CD5: variants seen among roughly 807,000 people sequenced by gnomAD.
CD5 encodes the protein T-cell surface glycoprotein CD5.
A neutral mutation model predicts 60.3 loss-of-function variants in CD5; 36 were observed. The ratio of observed to expected loss-of-function variants is 0.60; its 90% CI spans 0.46 to 0.79. The LOEUF (loss-of-function observed/expected upper bound fraction) is 0.79, where lower values mean the gene tolerates loss of function less well. Among genes scored for constraint, CD5 ranks in the 30% least tolerant of loss-of-function variants. The pLI is 0.00. For missense variants in CD5, 540 were observed against 630.6 expected (o/e 0.86, Z 1.54); for synonymous variants, 230 against 257.6 (o/e 0.89, Z 1.03).
rs77822455 is a variant in CD5 at position 61,110,940 on chromosome 11, G to A, written c.56-4116G>A. On this transcript the variant is annotated intron_variant, in intron 1 of 10. Transcript: ENST00000347785. ...GTGATAGAGATGGAAGGAGAGGAGA[G>A]GAACTGCTGCTCATCTGGGGACCAG... is the stretch of plus-strand genomic sequence containing the variant. Among the ~76,000 whole-genome samples the A allele has an allele frequency of 1.2e-3, 187 of 152,234 alleles. 6 individuals carry two copies. The East Asian group carries it at 0.032, about 26-fold the overall frequency.
upstream of CD5, among the ~76,000 whole-genome samples, chr11:61,098,966 G>A (rs1448233348): frequency 2.6e-5 from 4 of 152,186 alleles, no homozygotes; most frequent in African/African-American, 9.7e-5. Flanking sequence ...CTACCTGCCT[G>A]GGGTGGCCCA....
At chr11:61,119,194 C>T (rs186723877) in intron 4 of CD5, 40 bp from the exon 5 acceptor site, 15 of 1,515,664 alleles carry the variant, frequency 9.9e-6, no homozygotes, top group South Asian at 5.2e-5. Flanking sequence ...AAGCCCTCGG[C>T]GCTCAGGGTG....
Position 61,127,660 on chromosome 11 carries a change from G to A in CD5, c.*1375G>A, listed in dbSNP as rs1046475725. ...TCTTCCCATATCTGGTGGAGGTGAGGGGGCTCCTCAAAAGGGAACTGAGAG... is the reference window on the plus strand; with the variant it reads ...TCTTCCCATATCTGGTGGAGGTGAGAGGGCTCCTCAAAAGGGAACTGAGAG... On this transcript the variant is annotated 3_prime_UTR_variant, in exon 11 of 11. Coordinates refer to ENST00000347785, the MANE Select transcript of CD5 (RefSeq NM_014207.4). 6.6e-6 allele frequency: 1 copy of A among 152,204 alleles called. No homozygotes were observed. The highest frequency in any genetic ancestry group is 2.4e-5 in the African/African-American group (1 of 41,436). The allele number at this position is 152,204 out of a possible 1,614,324, so 9.4% of individuals were successfully genotyped here. A position where few individuals can be genotyped will look rare whatever the true frequency, so the allele number is the denominator to read the frequency against.
chr11:61,118,027 C>T lies in CD5; in HGVS notation c.95-148C>T. ...TCCTCTGGGAAGCCCCTGCAGTGCCCCAGAAGGGACGAAGCTCACAAGGGG... is the reference window on the plus strand; with the variant it reads ...TCCTCTGGGAAGCCCCTGCAGTGCCTCAGAAGGGACGAAGCTCACAAGGGG... On this transcript the variant is annotated intron_variant, in intron 2 of 10. Transcript: ENST00000347785. This position sits in a 1 kb window ranked among gnomAD's most constrained non-coding sequence, Gnocchi z 4.7. 1 of 799,256 alleles carries T rather than the reference C, an allele frequency of 1.3e-6. No individual in the cohort carries two copies. Among genetic ancestry groups the T allele is most frequent in the Non-Finnish European group, 2.0e-6 (1 of 506,620 alleles). The allele number at this position is 799,256 out of a possible 1,614,324, so 49.5% of individuals were successfully genotyped here.
intron 7 of CD5, 116 bp downstream of exon 7, chr11:61,123,148 C>A: frequency 1.7e-6 from 2 of 1,206,568 alleles, no homozygotes; most frequent in Non-Finnish European, 2.3e-6. Context: ...CAGGACACCT[C>A]TGCTTCACCA....
intron 5 of CD5, among the ~76,000 whole-genome samples, chr11:61,120,145 G>A (rs1861036127): frequency 6.6e-6 from 1 of 152,162 alleles, no homozygotes; most frequent in African/African-American, 2.4e-5. Flanking sequence ...CCGCTGTGTG[G>A]TTGAGGGGAG....
At chr11:61,102,486 A>G, upstream of CD5, 1 of 774,850 alleles carries the variant, frequency 1.3e-6, no homozygotes, top group South Asian at 1.5e-5. Context: ...CCTCTCTGAG[A>G]GCGAGATACC....
upstream of CD5, among the ~76,000 whole-genome samples, chr11:61,101,268 AAC>A (rs1489661473): frequency 0.022 from 1,415 of 64,906 alleles, 62 homozygotes; most frequent in African/African-American, 0.069. Flanking sequence ...GGAGATCACA[AAC>A]ACACATCAAC....
At chr11:61,122,869 C>A (rs183289659) in intron 6 of CD5, 38 bp from the exon 7 acceptor site, 78 of 1,577,878 alleles carry the variant, frequency 4.9e-5, no homozygotes, top group Non-Finnish European at 6.3e-5. Flanking sequence ...TTTCTCCCCC[C>A]AGGACTGGGA....
chr11:61,114,977 G>A (rs879792571), intron 1 of CD5, 79 bp from the exon 2 acceptor site: 15 of 1,391,508 alleles, frequency 1.1e-5, no homozygotes, highest in Admixed American at 8.1e-5. Context: ...GCCATTGCTC[G>A]GGCTGTGGGT....
chr11:61,105,975 A>C (rs1247528966), intron 1 of CD5, among the ~76,000 whole-genome samples: 1 of 152,094 alleles, frequency 6.6e-6, no homozygotes, highest in Non-Finnish European at 1.5e-5. Context: ...AAATACAAAA[A>C]TTAGCCGGGA....
Position 61,125,749 on chromosome 11 carries a change from A to G in CD5, c.1400-2A>G, listed in dbSNP as rs1174629146. On this transcript the variant is annotated splice_acceptor_variant, in intron 9 of 10. Transcript: ENST00000347785. LOFTEE classifies it high-confidence loss of function. ...TGCAAACAGCGTCCTTTCTTTCCCC[A>G]GCTCTGGAAGGGGCTCTGCATCGCT... is the stretch of plus-strand genomic sequence containing the variant. 1 of 1,607,734 alleles carries G rather than the reference A, an allele frequency of 6.2e-7. No individual in the cohort carries two copies. The highest frequency in any genetic ancestry group is 1.1e-5 in the South Asian group (1 of 90,566).
At chr11:61,095,957 G>C in the CD5 span, among the ~76,000 whole-genome samples, 1 of 152,198 alleles carries the variant, frequency 6.6e-6, no homozygotes, top group Non-Finnish European at 1.5e-5. Flanking sequence ...TTGCGGGTAT[G>C]AATACCTCAC....
At chr11:61,122,824 G>A (rs1321174229) in intron 6 of CD5, 83 bp from the exon 7 acceptor site, 6 of 1,448,326 alleles carry the variant, frequency 4.1e-6, no homozygotes, top group Non-Finnish European at 5.6e-6. Flanking sequence ...GATGACGGCG[G>A]AAGCCAGGCA....
intron 2 of CD5, among the ~76,000 whole-genome samples, chr11:61,117,582 G>A (rs1282864281): frequency 6.6e-6 from 1 of 151,902 alleles, no homozygotes; most frequent in Non-Finnish European, 1.5e-5. Flanking sequence ...TCTGCCTCCC[G>A]GGTTCAAGCA....
chr11:61,110,744 G>T (rs766200230), intron 1 of CD5, among the ~76,000 whole-genome samples: 1 of 152,174 alleles, frequency 6.6e-6, no homozygotes, highest in African/African-American at 2.4e-5. Context: ...CAAGTTTCCT[G>T]GTCTGTAAAA....
intron 1 of CD5, among the ~76,000 whole-genome samples, chr11:61,110,103 G>A (rs1860831149): frequency 6.6e-6 from 1 of 152,186 alleles, no homozygotes; most frequent in Admixed American, 6.5e-5. Flanking sequence ...TCAGGGGATG[G>A]AGGGTGCTGG....
chr11:61,111,839 C>T (rs1860859315), intron 1 of CD5, among the ~76,000 whole-genome samples: 1 of 152,232 alleles, frequency 6.6e-6, no homozygotes, highest in South Asian at 2.1e-4. Flanking sequence ...AGCACCAGCT[C>T]TGAGCACTAG....
upstream of CD5, among the ~76,000 whole-genome samples, chr11:61,100,263 T>TCA (rs1199822713): frequency 1.4e-4 from 13 of 89,820 alleles, no homozygotes; most frequent in Non-Finnish European, 1.2e-4. Flanking sequence ...AACATGGAGA[T>TCA]CACACACACA....
Sources: gnomAD v4.1 joint callset for allele counts (sites outside exome capture counted in the v4.1 genomes callset) on GRCh38, gnomAD v4.1.1 for gene constraint, Gnocchi (gnomAD v3.1) non-coding constraint, MANE v1.5 for transcripts, NCBI Gene and HGNC (gene_info 2026-07-23, HGNC 2026-07-21) for gene names.